The following ARMC2 variants were observed in gnomAD, a reference collection of about 807,000 sequenced individuals.
The protein encoded by ARMC2 is armadillo repeat containing 2.
Under a neutral mutation model 90.3 loss-of-function variants are expected in ARMC2, and 67 were observed. That is an observed-to-expected ratio of 0.74 (90% CI 0.61 to 0.91). The LOEUF (loss-of-function observed/expected upper bound fraction) is 0.91. Ranked by LOEUF, ARMC2 falls within the 40% of genes least tolerant of loss-of-function variation. The pLI, the probability that ARMC2 is intolerant of heterozygous loss-of-function variation, is 0.00. For synonymous variants in ARMC2, 393 were observed against 393.0 expected, an observed-to-expected ratio of 1.00 and a Z score of 0.00; for missense variants, 920 against 1,030.9, an observed-to-expected ratio of 0.89 and a Z score of 1.47.
the ARMC2 span, among the ~76,000 whole-genome samples, chr6:109,021,490 T>G: frequency 0.091 from 13,855 of 151,560 alleles, 863 homozygotes; most frequent in Middle Eastern, 0.19. Flanking sequence ...CAGACTGGAG[T>G]GCAATGGCAC....
chr6:109,007,204 G>A, the ARMC2 span, among the ~76,000 whole-genome samples: 1 of 152,280 alleles, frequency 6.6e-6, no homozygotes. Context: ...AGTGAATGTT[G>A]ACAGTAGTAC....
chr6:108,979,503 G>A, the ARMC2 span, among the ~76,000 whole-genome samples: 4 of 151,988 alleles, frequency 2.6e-5, no homozygotes, highest in Non-Finnish European at 5.9e-5. Context: ...TATCTTTGTG[G>A]TGCTCTCTGT....
chr6:108,976,065 A>G (rs1778978161), downstream of ARMC2, among the ~76,000 whole-genome samples: 2 of 152,160 alleles, frequency 1.3e-5, 1 homozygote, highest in South Asian at 4.1e-4. Context: ...CTTAGTCATG[A>G]AGTCTTTGCC....
At chr6:108,950,638 G>A (rs887066382) in intron 12 of ARMC2, among the ~76,000 whole-genome samples, 2 of 152,164 alleles carry the variant, frequency 1.3e-5, no homozygotes, top group Non-Finnish European at 2.9e-5. Context: ...TGGAGGGTGG[G>A]AGAAGGAAGA....
At chr6:109,006,466 A>C in the ARMC2 span, among the ~76,000 whole-genome samples, 1 of 108,068 alleles carries the variant, frequency 9.3e-6, no homozygotes, top group Admixed American at 1.1e-4. Context: ...ACCCCACGAC[A>C]GGCCCCGGTG....
chr6:108,958,882 G>T (rs745473409), intron 13 of ARMC2, among the ~76,000 whole-genome samples: 1 of 152,246 alleles, frequency 6.6e-6, no homozygotes, highest in Non-Finnish European at 1.5e-5. Context: ...GCCCAAGGAG[G>T]TTAAATAATT....
At chr6:109,014,319 A>C in the ARMC2 span, among the ~76,000 whole-genome samples, 1 of 152,242 alleles carries the variant, frequency 6.6e-6, no homozygotes, top group Non-Finnish European at 1.5e-5. Context: ...TGTATCAGAC[A>C]CAACACTTTA....
At chr6:108,860,006 A>C (rs1164572242) in intron 3 of ARMC2, among the ~76,000 whole-genome samples, 1 of 73,652 alleles carries the variant, frequency 1.4e-5, no homozygotes, top group African/African-American at 8.3e-5. Flanking sequence ...CTCTGTCTTA[A>C]AAAAAAAAAA....
At chr6:109,040,468 T>G in the ARMC2 span, among the ~76,000 whole-genome samples, 1 of 152,170 alleles carries the variant, frequency 6.6e-6, no homozygotes, top group Non-Finnish European at 1.5e-5. Context: ...ATTTATCATT[T>G]TAGTTGTGCC....
chr6:109,045,874 T>C, the ARMC2 span, among the ~76,000 whole-genome samples: 3 of 152,208 alleles, frequency 2.0e-5, no homozygotes, highest in Non-Finnish European at 4.4e-5. Flanking sequence ...AGATAATACA[T>C]GTTTCTGAAA....
the ARMC2 span, among the ~76,000 whole-genome samples, chr6:109,018,688 A>T: frequency 6.6e-6 from 1 of 152,030 alleles, no homozygotes; most frequent in African/African-American, 2.4e-5. Flanking sequence ...GTTTGAAATC[A>T]TTTTTTTCAC....
chr6:108,923,887 C>A (rs924744364), intron 10 of ARMC2, among the ~76,000 whole-genome samples: 2 of 152,138 alleles, frequency 1.3e-5, no homozygotes, highest in African/African-American at 4.8e-5. Flanking sequence ...TCTCTTTTGT[C>A]GCTCCTGTCC....
chr6:108,875,953 A>T (rs985609471), intron 4 of ARMC2, among the ~76,000 whole-genome samples, 190 bp from the exon 5 acceptor site: 1 of 152,202 alleles, frequency 6.6e-6, no homozygotes, highest in African/African-American at 2.4e-5. Flanking sequence ...TGCAGAATTG[A>T]TGGTGCCAGA....
chr6:108,907,808 C>G, intron 8 of ARMC2: 1 of 1,608,854 alleles, frequency 6.2e-7, no homozygotes, highest in Non-Finnish European at 8.5e-7. Flanking sequence ...CAAGATCCAG[C>G]TTGGCAGCTC....
chr6:109,000,729 CTTTT>C, the ARMC2 span: 38 of 1,300,324 alleles, frequency 2.9e-5, no homozygotes, highest in Non-Finnish European at 3.8e-5. Flanking sequence ...ACTACATATC[CTTTT>C]TATTTACAAC....
intron 4 of ARMC2, among the ~76,000 whole-genome samples, chr6:108,869,749 C>T (rs1293077946): frequency 6.6e-6 from 1 of 152,060 alleles, no homozygotes; most frequent in Non-Finnish European, 1.5e-5. Flanking sequence ...TGCTGCCAGG[C>T]ACCTAAACCT....
intron 5 of ARMC2, among the ~76,000 whole-genome samples, chr6:108,885,473 G>A (rs140695041): frequency 3.9e-5 from 6 of 151,992 alleles, no homozygotes; most frequent in Admixed American, 1.3e-4. Flanking sequence ...TTGGGAGGCC[G>A]AGGTCAGGAA....
intron 12 of ARMC2, among the ~76,000 whole-genome samples, chr6:108,938,599 C>CTTTTTTTTTTTTTTTTTTT (rs4027582): frequency 3.6e-5 from 3 of 83,106 alleles, no homozygotes; most frequent in African/African-American, 4.5e-5. Flanking sequence ...CCATTACTAC[C>CTTTTTTTTTTTTTTTTTTT]TTTTTTTTTT....
At chr6:108,877,197 T>C (rs923859944) in intron 5 of ARMC2, among the ~76,000 whole-genome samples, 4 of 152,234 alleles carry the variant, frequency 2.6e-5, no homozygotes, top group African/African-American at 9.6e-5. Context: ...GGTTCAGATT[T>C]GCTTAACAAG....
Sources: gnomAD v4.1 joint callset for allele counts (sites outside exome capture counted in the v4.1 genomes callset) on GRCh38, gnomAD v4.1.1 for gene constraint, MANE v1.5 for transcripts, NCBI Gene and HGNC (gene_info 2026-07-23, HGNC 2026-07-21) for gene names.